Variants in KLHL1 observed in about 807,000 individuals in gnomAD.
KLHL1 encodes the protein kelch-like protein 1.
Under a neutral mutation model 77.7 loss-of-function variants are expected in KLHL1, and 47 were observed. The observed-to-expected ratio is 0.60, with a 90% CI of 0.48 to 0.77. The LOEUF (loss-of-function observed/expected upper bound fraction) is 0.77, where lower values mean the gene tolerates loss of function less well. Ranked by LOEUF, KLHL1 falls within the 30% of genes least tolerant of loss-of-function variation. KLHL1 has a pLI of 0.00. For synonymous variants in KLHL1, 360 were observed against 325.2 expected, an observed-to-expected ratio of 1.11 and a Z score of -1.15; for missense variants, 925 against 910.8, an observed-to-expected ratio of 1.02 and a Z score of -0.20.
At chr13:69,750,884 G>GA (rs1874447250) in intron 7 of KLHL1, among the ~76,000 whole-genome samples, 3 of 151,900 alleles carry the variant, frequency 2.0e-5, no homozygotes, top group South Asian at 4.2e-4. Context: ...GGGAACCTTT[G>GA]AAAAAATACA....
At chr13:69,793,940 T>C (rs377716482) in intron 7 of KLHL1, among the ~76,000 whole-genome samples, 30 of 152,332 alleles carry the variant, frequency 2.0e-4, no homozygotes, top group African/African-American at 6.7e-4. Context: ...GAAGAGTTAC[T>C]GCATGTTTCC....
intron 6 of KLHL1, among the ~76,000 whole-genome samples, chr13:69,831,002 G>A (rs1341754886): frequency 2.0e-5 from 3 of 148,928 alleles, no homozygotes; most frequent in Non-Finnish European, 4.4e-5. Context: ...AAAGTCTAAA[G>A]AGCACAAACA....
At chr13:70,030,541 C>T (rs1387224733) in intron 1 of KLHL1, among the ~76,000 whole-genome samples, 1 of 152,118 alleles carries the variant, frequency 6.6e-6, no homozygotes, top group Non-Finnish European at 1.5e-5. Flanking sequence ...TTCTTTGAAA[C>T]CAATGAGAAC....
intron 2 of KLHL1, among the ~76,000 whole-genome samples, chr13:69,971,228 CA>C (rs1193712413): frequency 1.3e-5 from 2 of 152,012 alleles, no homozygotes; most frequent in Admixed American, 1.3e-4. Flanking sequence ...TTCTTAAAGA[CA>C]AAATGATTTG....
At chr13:70,019,825 C>T (rs942052058) in intron 1 of KLHL1, among the ~76,000 whole-genome samples, 1 of 152,114 alleles carries the variant, frequency 6.6e-6, no homozygotes, top group African/African-American at 2.4e-5. Context: ...GTGTTGGGAA[C>T]TTTATCTCAA....
chr13:69,744,677 C>T (rs1426641875), intron 7 of KLHL1, among the ~76,000 whole-genome samples: 3 of 151,574 alleles, frequency 2.0e-5, no homozygotes, highest in South Asian at 2.1e-4. Flanking sequence ...AAAAGCTAAC[C>T]GTATTTTTTT....
At chr13:69,985,794 T>A (rs9564636) in intron 1 of KLHL1, among the ~76,000 whole-genome samples, 8 of 144,884 alleles carry the variant, frequency 5.5e-5, no homozygotes, top group Middle Eastern at 3.8e-3. Flanking sequence ...ATATATATAT[T>A]TTATATATAT....
chr13:69,853,697 C>T (rs1462849361), intron 5 of KLHL1, among the ~76,000 whole-genome samples: 1 of 151,960 alleles, frequency 6.6e-6, no homozygotes, highest in Non-Finnish European at 1.5e-5. Context: ...ATCAAGAGAA[C>T]TTGCTGTATT....
At chr13:69,707,353 C>A (rs984996275) in intron 10 of KLHL1, among the ~76,000 whole-genome samples, 1 of 151,880 alleles carries the variant, frequency 6.6e-6, no homozygotes, top group African/African-American at 2.4e-5. Flanking sequence ...TCAGGTAACT[C>A]AAATTCAGAT....
intron 5 of KLHL1, among the ~76,000 whole-genome samples, chr13:69,848,478 C>A (rs934184415): frequency 2.0e-5 from 3 of 151,492 alleles, no homozygotes; most frequent in Non-Finnish European, 4.4e-5. Context: ...AGAATTGAAT[C>A]TTGAAATTTT....
chr13:70,090,935 C>A (rs551003246), intron 1 of KLHL1, among the ~76,000 whole-genome samples: 14 of 152,048 alleles, frequency 9.2e-5, no homozygotes, highest in Non-Finnish European at 1.6e-4. Context: ...TATGTGTAAT[C>A]ACAGTCCTCT....
rs141737950 is a variant in KLHL1 at position 70,080,831 on chromosome 13, C to T, written c.497+26372G>A. Among the ~76,000 whole-genome samples the T allele has an allele frequency of 3.5e-3, 539 of 152,170 alleles. 1 individual carries two copies. The highest frequency in any genetic ancestry group is 0.012 in the African/African-American group (501 of 41,520). On this transcript the variant is annotated intron_variant, in intron 1 of 10. Transcript: ENST00000377844. The stretch of plus-strand genomic sequence containing the variant: ...CAGGCTGTTCATTTGAACCTCCTGA[C>T]CTCAAGCAATCCTCCTGCCTCAGCC...
intron 4 of KLHL1, among the ~76,000 whole-genome samples, chr13:69,912,357 A>G (rs1354664498): frequency 6.6e-6 from 1 of 152,174 alleles, no homozygotes; most frequent in Non-Finnish European, 1.5e-5. Flanking sequence ...ATAATCTCAG[A>G]AAAAAAGAGT....
At chr13:69,724,467 A>C (rs1449456564) in intron 8 of KLHL1, among the ~76,000 whole-genome samples, 1 of 152,152 alleles carries the variant, frequency 6.6e-6, no homozygotes, top group Non-Finnish European at 1.5e-5. Flanking sequence ...CATATATTGA[A>C]GACAGAACAC....
At chr13:69,790,650 AT>A (rs1876827478) in intron 7 of KLHL1, among the ~76,000 whole-genome samples, 1 of 152,216 alleles carries the variant, frequency 6.6e-6, no homozygotes, top group Admixed American at 6.5e-5. Flanking sequence ...ACATCTGAAA[AT>A]TTTAATTTAA....
chr13:69,761,510 T>G (rs1875018963), intron 7 of KLHL1, among the ~76,000 whole-genome samples: 1 of 152,168 alleles, frequency 6.6e-6, no homozygotes, highest in African/African-American at 2.4e-5. Context: ...GAGGCAGATT[T>G]GGGATAAACT....
chr13:69,766,945 C>G (rs1274079633), intron 7 of KLHL1, among the ~76,000 whole-genome samples: 2 of 152,158 alleles, frequency 1.3e-5, no homozygotes, highest in African/African-American at 4.8e-5. Flanking sequence ...AATTAATATA[C>G]TTTTACATAT....
At chr13:69,934,658 C>T (rs942391535) in intron 4 of KLHL1, among the ~76,000 whole-genome samples, 20 of 152,004 alleles carry the variant, frequency 1.3e-4, no homozygotes, top group African/African-American at 4.8e-4. Flanking sequence ...CATAACCCTA[C>T]ACAATTGGTT....
intron 6 of KLHL1, among the ~76,000 whole-genome samples, chr13:69,833,762 TATATAC>T (rs1235942067): frequency 8.0e-5 from 12 of 150,688 alleles, no homozygotes; most frequent in East Asian, 7.8e-4. Context: ...TATATATATA[TATATAC>T]ATACATACAT....
Sources: allele counts gnomAD v4.1 joint callset (sites outside exome capture counted in the v4.1 genomes callset), GRCh38; gene constraint gnomAD v4.1.1; transcripts MANE v1.5; gene names NCBI Gene and HGNC (gene_info 2026-07-23, HGNC 2026-07-21).